The following SLC44A5 variants were observed in gnomAD, a reference collection of about 807,000 sequenced individuals.
The protein encoded by SLC44A5 is choline transporter-like protein 5.
Under a neutral mutation model 101.8 loss-of-function variants are expected in SLC44A5, and 57 were observed. The observed-to-expected ratio is 0.56, with a 90% CI of 0.45 to 0.70. SLC44A5 has a LOEUF of 0.70. SLC44A5 is among the 30% of genes least tolerant of loss of function. The pLI is 0.00. For synonymous variants in SLC44A5, 281 were observed against 290.9 expected (o/e 0.97, Z 0.35); for missense variants, 737 against 853.1 (o/e 0.86, Z 1.70).
intron 2 of SLC44A5, among the ~76,000 whole-genome samples, chr1:75,484,376 C>T (rs1486665399): frequency 6.6e-6 from 1 of 152,184 alleles, no homozygotes; most frequent in Non-Finnish European, 1.5e-5. Context: ...AATCTGAAAC[C>T]CAGTGGGGCA....
At chr1:75,717,966 C>T in the SLC44A5 span, among the ~76,000 whole-genome samples, 2 of 152,178 alleles carry the variant, frequency 1.3e-5, no homozygotes, top group African/African-American at 4.8e-5. Context: ...CAATTCCCTA[C>T]TGGGAACACA....
At chr1:75,544,497 G>T (rs1231139808) in intron 1 of SLC44A5, among the ~76,000 whole-genome samples, 1 of 151,854 alleles carries the variant, frequency 6.6e-6, no homozygotes, top group African/African-American at 2.4e-5. Context: ...CTTTCTGTGT[G>T]CATGTGCACA....
At chr1:75,575,054 T>A (rs914410141) in intron 1 of SLC44A5, among the ~76,000 whole-genome samples, 1 of 152,120 alleles carries the variant, frequency 6.6e-6, no homozygotes, top group Non-Finnish European at 1.5e-5. Context: ...ATATAGGATA[T>A]CAAAATGCTT....
At chr1:75,682,627 C>T in the SLC44A5 span, among the ~76,000 whole-genome samples, 14 of 151,462 alleles carry the variant, frequency 9.2e-5, no homozygotes, top group Middle Eastern at 3.2e-3. Context: ...GAGACTTAAA[C>T]GTTAGACCTA....
At chr1:75,331,962 A>G (rs750153728) in intron 4 of SLC44A5, among the ~76,000 whole-genome samples, 2 of 152,138 alleles carry the variant, frequency 1.3e-5, no homozygotes, top group Non-Finnish European at 2.9e-5. Context: ...GCCCTGTTAC[A>G]TCACTCTGTT....
At chr1:75,629,905 C>A in the SLC44A5 span, among the ~76,000 whole-genome samples, 1 of 152,096 alleles carries the variant, frequency 6.6e-6, no homozygotes, top group Non-Finnish European at 1.5e-5. Context: ...AACTGAGAAC[C>A]ACACAACACC....
chr1:75,639,431 T>C, the SLC44A5 span, among the ~76,000 whole-genome samples: 1 of 152,132 alleles, frequency 6.6e-6, no homozygotes, highest in Non-Finnish European at 1.5e-5. Context: ...CTATGCTTGA[T>C]ACAGGGAAAA....
intron 3 of SLC44A5, among the ~76,000 whole-genome samples, chr1:75,342,113 A>G (rs1464246257): frequency 6.6e-6 from 1 of 152,212 alleles, no homozygotes; most frequent in African/African-American, 2.4e-5. Flanking sequence ...CATGATGTGT[A>G]TGAGTTTTGG....
At chr1:75,271,497 T>TTTTTTTTTTGTG (rs1553152601) in intron 6 of SLC44A5, among the ~76,000 whole-genome samples, 1 of 146,304 alleles carries the variant, frequency 6.8e-6, no homozygotes, top group South Asian at 2.2e-4. Flanking sequence ...TCTGCATGTT[T>TTTTTTTTTTGTG]TGTGTGTGTG....
the SLC44A5 span, among the ~76,000 whole-genome samples, chr1:75,627,741 A>G: frequency 6.6e-6 from 1 of 151,692 alleles, no homozygotes; most frequent in Non-Finnish European, 1.5e-5. Flanking sequence ...TTTAATAAAT[A>G]CTTTTTAATT....
chr1:75,297,003 C>G (rs998996610), intron 5 of SLC44A5, among the ~76,000 whole-genome samples: 1 of 152,112 alleles, frequency 6.6e-6, no homozygotes, highest in African/African-American at 2.4e-5. Context: ...TCCCTGGGAG[C>G]CCAGCTGAGC....
chr1:75,257,548 A>C (rs1650114328), intron 6 of SLC44A5, among the ~76,000 whole-genome samples: 1 of 152,164 alleles, frequency 6.6e-6, no homozygotes, highest in Non-Finnish European at 1.5e-5. Flanking sequence ...TTTCCGATGC[A>C]GGAAAAGGGT....
intron 2 of SLC44A5, among the ~76,000 whole-genome samples, chr1:75,530,889 C>G (rs972237552): frequency 2.0e-5 from 3 of 151,984 alleles, no homozygotes; most frequent in African/African-American, 7.3e-5. Context: ...CATACCTGGA[C>G]CAGTGATGGA....
At chr1:75,480,742 T>G (rs949432324) in intron 2 of SLC44A5, among the ~76,000 whole-genome samples, 1 of 151,824 alleles carries the variant, frequency 6.6e-6, no homozygotes, top group African/African-American at 2.4e-5. Flanking sequence ...CACTGCTCAA[T>G]GAAATAAAAG....
the SLC44A5 span, among the ~76,000 whole-genome samples, chr1:75,705,593 A>G: frequency 1.3e-5 from 2 of 152,186 alleles, no homozygotes; most frequent in South Asian, 2.1e-4. Flanking sequence ...ATCCCTTTTT[A>G]TTATAATACT....
chr1:75,402,912 C>T (rs78460689), intron 2 of SLC44A5, among the ~76,000 whole-genome samples: 8 of 152,166 alleles, frequency 5.3e-5, no homozygotes, highest in African/African-American at 1.4e-4. Context: ...GTGGATCCCA[C>T]ACACATTAAG....
chr1:75,409,326 G>C (rs1244974529), intron 2 of SLC44A5, among the ~76,000 whole-genome samples: 1 of 152,132 alleles, frequency 6.6e-6, no homozygotes, highest in Non-Finnish European at 1.5e-5. Flanking sequence ...CCTACAGAAT[G>C]TATTGGGTAA....
intron 2 of SLC44A5, among the ~76,000 whole-genome samples, chr1:75,408,217 T>G (rs1348297823): frequency 6.6e-6 from 1 of 152,190 alleles, no homozygotes; most frequent in Non-Finnish European, 1.5e-5. Flanking sequence ...GAAACACAGA[T>G]GCTAGAGAGG....
In SLC44A5 at chr1:75,512,467, TAGTGTCTG is replaced by T. The variant is rs1246410709; in HGVS notation, c.13+28960_13+28967del. ...GCATTTTCTGAATCCAATTTTTAGTTAGTGTCTGAAGTTGATTTAGATAAGCATATTAA... is the reference window on the plus strand; with the variant it reads ...GCATTTTCTGAATCCAATTTTTAGTTAAGTTGATTTAGATAAGCATATTAA... On this transcript the variant is annotated intron_variant, in intron 2 of 23. Coordinates refer to ENST00000370859, the MANE Select transcript of SLC44A5 (RefSeq NM_001130058.2). 3.9e-5 allele frequency among the ~76,000 whole-genome samples: 6 copies of T among 152,326 alleles called. No homozygotes were observed. In the East Asian group the frequency reaches 1.2e-3, roughly 29 times the overall value.
Sources: gnomAD v4.1 joint callset for allele counts (sites outside exome capture counted in the v4.1 genomes callset) on GRCh38, gnomAD v4.1.1 for gene constraint, MANE v1.5 for transcripts, NCBI Gene and HGNC (gene_info 2026-07-23, HGNC 2026-07-21) for gene names.